The following SETDB1 variants were observed in gnomAD, a reference collection of about 807,000 sequenced individuals.
The protein encoded by SETDB1 is histone-lysine N-methyltransferase SETDB1.
In SETDB1, 31 loss-of-function variants were observed where a neutral mutation model predicts 137.4. The ratio of observed to expected loss-of-function variants is 0.23; its 90% CI spans 0.17 to 0.30. The LOEUF is 0.30. Ranked by LOEUF, SETDB1 falls within the 10% of genes least tolerant of loss-of-function variation. The probability of loss-of-function intolerance (pLI) is 1.00; values close to 1 mark genes in which losing one functional copy is unlikely to be tolerated. For missense variants in SETDB1, 1,113 were observed against 1,631.5 expected (o/e 0.68, Z 5.47); for synonymous variants, 548 against 579.9 (o/e 0.95, Z 0.79).
intron 8 of SETDB1, among the ~76,000 whole-genome samples, chr1:150,944,650 T>C (rs1470407213): frequency 1.3e-5 from 2 of 152,244 alleles, no homozygotes; most frequent in Non-Finnish European, 2.9e-5. Flanking sequence ...ACTTGAATTT[T>C]CCAGAGGAGA....
chr1:150,949,567 G>A (rs780446734), intron 12 of SETDB1, 42 bp downstream of exon 12: 1 of 1,583,340 alleles, frequency 6.3e-7, no homozygotes, highest in Non-Finnish European at 8.7e-7. Flanking sequence ...ATAGCAATGA[G>A]TGGTCACTGT....
At chr1:150,960,088 A>AC (rs1277792376) in intron 15 of SETDB1, among the ~76,000 whole-genome samples, 4 of 151,586 alleles carry the variant, frequency 2.6e-5, no homozygotes, top group East Asian at 1.9e-4. Context: ...ACAAAACAAA[A>AC]AAAAAAACAG....
rs587594161 is a variant in SETDB1 at position 150,951,492 on chromosome 1, A to G, written c.2333+11A>G. 7.4e-7 allele frequency: 1 copy of G among 1,358,032 alleles called. No individual in the cohort carries two copies. The highest frequency in any genetic ancestry group is 1.1e-6 in the Non-Finnish European group (1 of 946,370). 84.1% of individuals were successfully genotyped at this position (1,358,032 alleles called of 1,614,324 possible). On this transcript the variant is annotated intron_variant, in intron 14 of 21. Coordinates refer to ENST00000692827, the MANE Select transcript of SETDB1 (RefSeq NM_001366418.1). Reference sequence around the variant, plus strand: ...GTGTCTACCCACAGGGTAAGTGGTCAAGGAATGGCACAGTACCTCAGAGAG... The same window carrying G: ...GTGTCTACCCACAGGGTAAGTGGTCGAGGAATGGCACAGTACCTCAGAGAG...
rs1159895522 is a variant in SETDB1 at position 150,964,415 on chromosome 1, G to A, written c.*51G>A. 1.6e-5 allele frequency: 21 copies of A among 1,330,930 alleles called. 1 individual carries two copies. In the South Asian group the frequency reaches 2.2e-4, roughly 14 times the overall value. The allele number at this position is 1,330,930 out of a possible 1,614,324, so 82.4% of individuals were successfully genotyped here. On this transcript the variant is annotated 3_prime_UTR_variant, in exon 22 of 22. Coordinates refer to ENST00000692827, the MANE Select transcript of SETDB1 (RefSeq NM_001366418.1). The stretch of plus-strand genomic sequence containing the variant: ...TTGAACTGTCGTTTCCTCAGGAACT[G>A]GGTCTTCCTGATTGTTGAACCCTGA...
intron 14 of SETDB1, among the ~76,000 whole-genome samples, chr1:150,954,613 G>A (rs1670589426): frequency 6.6e-6 from 1 of 152,106 alleles, no homozygotes; most frequent in African/African-American, 2.4e-5. Flanking sequence ...AAAGCTTCTA[G>A]AGAAGAGAAA....
In SETDB1 at chr1:150,944,982, T is replaced by G; in HGVS notation, c.1014T>G (p.Thr338=). 6.2e-7 allele frequency: 1 copy of G among 1,614,084 alleles called. No homozygotes were observed. Among genetic ancestry groups the G allele is most frequent in the South Asian group, 1.1e-5 (1 of 91,086 alleles). The change falls in exon 9 of 22, where the codon ACT becomes ACG. Residue 338 remains threonine (T), a synonymous_variant. Transcript: ENST00000692827. The part of the protein sequence containing the change: ...SCRDFIEEYV[T]AYPNRPMVLL... ...GTGACTTCATAGAGGAGTATGTCAC[T>G]GCCTACCCCAACCGCCCCATGGTAC...
In SETDB1 at chr1:150,951,248, G is replaced by A. The variant is rs377340462; in HGVS notation, c.2217-117G>A. The A allele has an allele frequency of 2.0e-5, 22 of 1,123,384 alleles. No homozygotes were observed. The South Asian group carries it at 2.0e-4, about 10-fold the overall frequency. 69.6% of individuals were successfully genotyped at this position (1,123,384 alleles called of 1,614,324 possible). The stretch of plus-strand genomic sequence containing the variant: ...TATAAGGCCTCCATGAAAGCTATGA[G>A]GTAGGGAGGCTGGAGTCTGACATGG... On this transcript the variant is annotated intron_variant, in intron 13 of 21. Transcript: ENST00000692827.
intron 12 of SETDB1, among the ~76,000 whole-genome samples, chr1:150,950,042 T>C (rs1443620650): frequency 6.6e-6 from 1 of 152,148 alleles, no homozygotes; most frequent in Admixed American, 6.5e-5. Context: ...GAGACCAGCC[T>C]GGCCAACATG....
In SETDB1 at chr1:150,955,036, G is replaced by A. The variant is rs587740750; in HGVS notation, c.2333+3555G>A. Reference sequence around the variant, plus strand: ...ATTGGTTTAACAGAAAACCTGAGGTGCCTGAATACATTCAGAGGAGATCGA... The same window carrying A: ...ATTGGTTTAACAGAAAACCTGAGGTACCTGAATACATTCAGAGGAGATCGA... On this transcript the variant is annotated intron_variant, in intron 14 of 21. Coordinates refer to ENST00000692827, the MANE Select transcript of SETDB1 (RefSeq NM_001366418.1). 1.2e-3 allele frequency among the ~76,000 whole-genome samples: 178 copies of A among 152,306 alleles called. 3 individuals carry two copies. The Middle Eastern group carries it at 0.024, about 20-fold the overall frequency.
chr1:150,940,038 C>T (rs916237442), intron 4 of SETDB1, 64 bp downstream of exon 4: 5 of 1,325,880 alleles, frequency 3.8e-6, no homozygotes, highest in Non-Finnish European at 5.4e-6. Flanking sequence ...ATTTTTTGGC[C>T]TAACCATTTA....
chr1:150,947,645 A>G (rs1474987220), intron 10 of SETDB1, among the ~76,000 whole-genome samples: 3 of 152,164 alleles, frequency 2.0e-5, no homozygotes, highest in Admixed American at 2.0e-4. Flanking sequence ...GTACAGTGGC[A>G]TTAAGCTGTA....
In SETDB1 at chr1:150,962,737, TA is replaced by T; in HGVS notation, c.3294+19del. On this transcript the variant is annotated intron_variant, in intron 18 of 21. Transcript: ENST00000692827. ...ACCCTGATGTAAGTCACCTCAAGCT[TA>T]TTCAGAGTCTAATAAAGGAAAATGG... is the stretch of plus-strand genomic sequence containing the variant. The T allele has an allele frequency of 1.9e-6, 3 of 1,611,584 alleles. No individual in the cohort carries two copies. The Admixed American group carries it at 5.0e-5, about 27-fold the overall frequency.
In SETDB1 at chr1:150,927,943, C is replaced by G; in HGVS notation, c.229C>G (p.His77Asp). ...WVIQKESEVA[H>D]VDQLFDDASR... Reference sequence around the variant, plus strand: ...AATACAGAAAGAATCTGAGGTGGCTCACGTTGACCAACTCTTTGATGATGC... The same window carrying G: ...AATACAGAAAGAATCTGAGGTGGCTGACGTTGACCAACTCTTTGATGATGC... The change falls in exon 2 of 22, where the codon CAC becomes GAC. Residue 77 changes from histidine to aspartate, a missense_variant. Transcript: ENST00000692827. 5.0e-6 allele frequency: 8 copies of G among 1,614,182 alleles called. No individual in the cohort carries two copies. Among genetic ancestry groups the G allele is most frequent in the Non-Finnish European group, 6.8e-6 (8 of 1,180,024 alleles).
At chr1:150,936,191 A>G (rs779051863) in intron 3 of SETDB1, among the ~76,000 whole-genome samples, 10 of 152,064 alleles carry the variant, frequency 6.6e-5, no homozygotes, top group Non-Finnish European at 1.3e-4. Context: ...GGGTTTCACC[A>G]TGTTAGCCAG....
chr1:150,927,835 C>A lies in SETDB1; in HGVS notation c.121C>A (p.Arg41=). ...ACTGGGTATCTCTATGGAGGAACTT[C>A]GGCATTTCATCGATGAGGAACTGGA... ...EELGISMEEL[R]HFIDEELEKM... Residue 41 remains arginine, a synonymous_variant, in exon 2 of 22, where the codon CGG becomes AGG. Coordinates refer to ENST00000692827, the MANE Select transcript of SETDB1 (RefSeq NM_001366418.1). 6.2e-7 allele frequency: 1 copy of A among 1,614,174 alleles called. No homozygotes were observed. Among genetic ancestry groups the A allele is most frequent in the Non-Finnish European group, 8.5e-7 (1 of 1,180,038 alleles).
At chr1:150,934,468 A>C (rs1050049646) in intron 3 of SETDB1, among the ~76,000 whole-genome samples, 3 of 152,050 alleles carry the variant, frequency 2.0e-5, no homozygotes, top group Non-Finnish European at 2.9e-5. Flanking sequence ...GCGAGACTCC[A>C]TCTCAAAAAA....
In SETDB1 at chr1:150,964,521, T is replaced by C. The variant is rs1670930774; in HGVS notation, c.*157T>C. 2 of 712,038 alleles carry C rather than the reference T, an allele frequency of 2.8e-6. No individual in the cohort carries two copies. The highest frequency in any genetic ancestry group is 3.5e-5 in the African/African-American group (2 of 57,434). The allele number at this position is 712,038 out of a possible 1,614,324, so 44.1% of individuals were successfully genotyped here. ...TTCTGGACCAGATGATCCCTTCCAA[T>C]GTGGTGCTAGCAGGCAGGATCCCTT... On this transcript the variant is annotated 3_prime_UTR_variant, in exon 22 of 22. Transcript: ENST00000692827.
intron 9 of SETDB1, among the ~76,000 whole-genome samples, chr1:150,946,001 CTGTTTTGTTT>C (rs3034037): frequency 1.1e-4 from 16 of 149,482 alleles, no homozygotes; most frequent in African/African-American, 1.5e-4. Context: ...CACGCCTGGC[CTGTTTTGTTT>C]TGTTTTGTTT....
chr1:150,931,994 A>G (rs1313009217), intron 3 of SETDB1, among the ~76,000 whole-genome samples: 6 of 151,756 alleles, frequency 4.0e-5, no homozygotes, highest in Admixed American at 3.3e-4. Context: ...TTGTTTTTTT[A>G]GATGTTAAAC....
Sources: allele counts gnomAD v4.1 joint callset (sites outside exome capture counted in the v4.1 genomes callset), GRCh38; gene constraint gnomAD v4.1.1; transcripts MANE v1.5; gene names NCBI Gene and HGNC (gene_info 2026-07-23, HGNC 2026-07-21).